Variants in TENM3 observed in about 807,000 individuals in gnomAD.
The protein encoded by TENM3 is teneurin transmembrane protein 3, also known as teneurin-3.
Under a neutral mutation model 255.1 loss-of-function variants are expected in TENM3, and 63 were observed. The observed-to-expected ratio is 0.25, with a 90% confidence interval of 0.20 to 0.30. TENM3 has a LOEUF of 0.30. Ranked by LOEUF, TENM3 falls within the 10% of genes least tolerant of loss-of-function variation. The pLI, the probability that TENM3 is intolerant of heterozygous loss-of-function variation, is 1.00. For synonymous variants in TENM3, 1,306 were observed against 1,322.3 expected (o/e 0.99, Z 0.27); for missense variants, 2,929 against 3,461.1 (o/e 0.85, Z 3.86).
chr4:182,359,049 T>A (rs1247365335), intron 3 of TENM3, among the ~76,000 whole-genome samples: 1 of 151,642 alleles, frequency 6.6e-6, no homozygotes, highest in Non-Finnish European at 1.5e-5. Flanking sequence ...TGAACCAGCC[T>A]TGCACCCCAG....
chr4:181,884,383 G>A, the TENM3 span, among the ~76,000 whole-genome samples: 1 of 151,916 alleles, frequency 6.6e-6, no homozygotes, highest in Non-Finnish European at 1.5e-5. Context: ...TCACAAGGTT[G>A]TGTAAATATC....
chr4:181,570,557 A>AG, the TENM3 span, among the ~76,000 whole-genome samples: 1 of 149,442 alleles, frequency 6.7e-6, no homozygotes, highest in African/African-American at 2.5e-5. Context: ...AAAGAGAGAG[A>AG]GAAAAAAAAG....
chr4:181,468,153 G>A, the TENM3 span, among the ~76,000 whole-genome samples: 1 of 82,838 alleles, frequency 1.2e-5, no homozygotes, highest in African/African-American at 4.3e-5. Context: ...AAAAATTGGT[G>A]TGGTGGCGCA....
At chr4:181,900,293 G>A in the TENM3 span, among the ~76,000 whole-genome samples, 1 of 152,046 alleles carries the variant, frequency 6.6e-6, no homozygotes, top group Non-Finnish European at 1.5e-5. Context: ...TTTTAATTAA[G>A]TAAAAATATG....
chr4:182,468,423 AC>A (rs1341035381), intron 3 of TENM3, among the ~76,000 whole-genome samples: 1 of 152,158 alleles, frequency 6.6e-6, no homozygotes, highest in Non-Finnish European at 1.5e-5. Flanking sequence ...GTGCTCAGCT[AC>A]CAACTACATG....
chr4:182,359,738 T>C (rs1216036946), intron 3 of TENM3, among the ~76,000 whole-genome samples: 1 of 151,924 alleles, frequency 6.6e-6, no homozygotes, highest in South Asian at 2.1e-4. Context: ...GCTCTGATTT[T>C]AGTTATTTCT....
At position 182,735,626 on chromosome 4, in the gene TENM3, C is replaced by G. The variant is rs963996209; in HGVS notation, c.2968-1182C>G. On this transcript the variant is annotated intron_variant, in intron 16 of 27. Coordinates refer to ENST00000511685, the MANE Select transcript of TENM3 (RefSeq NM_001080477.4). ...ATCTTGATAGGGCAATATAAGGAAG[C>G]CTTTGAGAGTACTGTTTAATTCTTC... 2.6e-5 allele frequency among the ~76,000 whole-genome samples: 4 copies of G among 152,190 alleles called. No homozygotes were observed. The East Asian group carries it at 5.8e-4, about 22-fold the overall frequency.
rs1045350649 is a variant in TENM3, at chr4:182,486,317, G to T, written c.512-114607G>T. 1.3e-4 allele frequency among the ~76,000 whole-genome samples: 20 copies of T among 148,256 alleles called. 1 individual carries two copies. Among genetic ancestry groups the T allele is most frequent in the African/African-American group, 4.7e-4 (19 of 40,776 alleles). On this transcript the variant is annotated intron_variant, in intron 3 of 27. Transcript: ENST00000511685. ...TTAAGAAGTATTTTAATTGTGTGTG[G>T]GGGGGAGGGTGGGTGGGTGGTCATC...
At chr4:181,886,139 G>A in the TENM3 span, among the ~76,000 whole-genome samples, 3 of 139,352 alleles carry the variant, frequency 2.2e-5, no homozygotes, top group South Asian at 2.5e-4. Flanking sequence ...TGCAACCTCC[G>A]CCTTCCGGGT....
the TENM3 span, among the ~76,000 whole-genome samples, chr4:182,086,709 A>G: frequency 6.6e-6 from 1 of 152,192 alleles, no homozygotes; most frequent in African/African-American, 2.4e-5. Flanking sequence ...GCTGCGGTGG[A>G]ATTAGGTAAT....
the TENM3 span, among the ~76,000 whole-genome samples, chr4:182,129,277 A>G: frequency 2.0e-5 from 3 of 152,220 alleles, no homozygotes; most frequent in African/African-American, 7.2e-5. Context: ...TAGAATATTT[A>G]TAATACATAC....
the TENM3 span, among the ~76,000 whole-genome samples, chr4:181,577,287 C>T: frequency 6.8e-6 from 1 of 147,162 alleles, no homozygotes; most frequent in Non-Finnish European, 1.5e-5. Context: ...GTGATCCACC[C>T]TTCTCGGCCT....
the TENM3 span, among the ~76,000 whole-genome samples, chr4:181,754,966 A>AT: frequency 6.6e-6 from 1 of 152,084 alleles, no homozygotes; most frequent in Non-Finnish European, 1.5e-5. Context: ...GTTTTGTTAG[A>AT]TTTTGGAAAG....
At chr4:181,519,603 T>C in the TENM3 span, among the ~76,000 whole-genome samples, 1 of 152,218 alleles carries the variant, frequency 6.6e-6, no homozygotes, top group Admixed American at 6.5e-5. Flanking sequence ...AGATGAACTA[T>C]TCGGAGATTG....
chr4:182,102,756 C>T, the TENM3 span, among the ~76,000 whole-genome samples: 18 of 152,138 alleles, frequency 1.2e-4, no homozygotes, highest in Admixed American at 7.2e-4. Context: ...GACCTTGGCC[C>T]GTTTCCTAGC....
chr4:181,642,924 G>C, the TENM3 span, among the ~76,000 whole-genome samples: 1 of 152,140 alleles, frequency 6.6e-6, no homozygotes, highest in Non-Finnish European at 1.5e-5. Context: ...AGTATACTTT[G>C]AAATCAGGTA....
the TENM3 span, among the ~76,000 whole-genome samples, chr4:181,500,937 C>T: frequency 1.3e-5 from 2 of 152,130 alleles, no homozygotes; most frequent in Non-Finnish European, 2.9e-5. Flanking sequence ...AGCCTGACAA[C>T]ATGGTTACAG....
chr4:182,450,732 G>C (rs948199259), intron 3 of TENM3, among the ~76,000 whole-genome samples: 1 of 152,122 alleles, frequency 6.6e-6, no homozygotes, highest in South Asian at 2.1e-4. Context: ...CTGAAATTAG[G>C]GTACATTCTA....
the TENM3 span, among the ~76,000 whole-genome samples, chr4:182,006,918 G>A: frequency 1.3e-5 from 2 of 152,106 alleles, no homozygotes; most frequent in Non-Finnish European, 2.9e-5. Context: ...AGAGATTCTA[G>A]TACGTTGTCT....
Sources: allele counts gnomAD v4.1 joint callset (sites outside exome capture counted in the v4.1 genomes callset), GRCh38; gene constraint gnomAD v4.1.1; transcripts MANE v1.5; gene names NCBI Gene and HGNC (gene_info 2026-07-23, HGNC 2026-07-21).